Variants in SNAP23 observed in about 807,000 individuals in gnomAD.
SNAP23 encodes synaptosomal-associated protein 23.
In SNAP23, 11 loss-of-function variants were observed where a neutral mutation model predicts 29.0. The observed-to-expected ratio is 0.38, with a 90% confidence interval of 0.24 to 0.63. The LOEUF is 0.63. Among genes scored for constraint, SNAP23 ranks in the 20% least tolerant of loss-of-function variants. The probability of loss-of-function intolerance (pLI) is 0.58; values close to 1 mark genes in which losing one functional copy is unlikely to be tolerated. For synonymous variants in SNAP23, 60 were observed against 82.9 expected (o/e 0.72, Z 1.50); for missense variants, 220 against 253.9 (o/e 0.87, Z 0.91).
chr15:42,491,843 A>C (rs932050947), upstream of SNAP23, among the ~76,000 whole-genome samples: 17 of 152,042 alleles, frequency 1.1e-4, no homozygotes, highest in African/African-American at 4.1e-4. Context: ...TGGCCTTCCA[A>C]AGTTCTGGGA....
chr15:42,495,452 A>T (rs1480775746), upstream of SNAP23: 1 of 152,240 alleles, frequency 6.6e-6, no homozygotes, highest in Non-Finnish European at 1.5e-5. Flanking sequence ...TGTTTATTGC[A>T]TGAACACCTC....
rs529658918 is a variant in SNAP23 at position 42,506,913 on chromosome 15, G to T, written c.-14-4920G>T. ...GGCTCACTGTACCCTCTGCCTCCCAGGTTCAAGTGATTCTTGTGCCTCAGC... is the reference window on the plus strand; with the variant it reads ...GGCTCACTGTACCCTCTGCCTCCCATGTTCAAGTGATTCTTGTGCCTCAGC... On this transcript the variant is annotated intron_variant, in intron 1 of 7. Transcript: ENST00000249647. Among the ~76,000 whole-genome samples the T allele has an allele frequency of 2.5e-4, 38 of 151,874 alleles. 1 individual carries two copies. The highest frequency in any genetic ancestry group is 3.9e-4 in the East Asian group (2 of 5,134).
intron 5 of SNAP23, among the ~76,000 whole-genome samples, chr15:42,523,141 G>A (rs547863274): frequency 2.0e-5 from 3 of 147,644 alleles, no homozygotes; most frequent in East Asian, 2.0e-4. Context: ...CCACACACCC[G>A]AAAACTTGCC....
intron 4 of SNAP23, among the ~76,000 whole-genome samples, chr15:42,514,078 G>A (rs553754577): frequency 5.3e-5 from 8 of 151,214 alleles, no homozygotes; most frequent in Non-Finnish European, 1.2e-4. Context: ...ACCTCCCAAA[G>A]TGCTGGGATT....
intron 1 of SNAP23, among the ~76,000 whole-genome samples, chr15:42,502,592 G>T (rs2057282354): frequency 6.6e-6 from 1 of 152,204 alleles, no homozygotes; most frequent in South Asian, 2.1e-4. Flanking sequence ...TGGTTTCGGT[G>T]AATATTTCAT....
chr15:42,527,247 A>G (rs1379239505), intron 5 of SNAP23, among the ~76,000 whole-genome samples: 1 of 152,104 alleles, frequency 6.6e-6, no homozygotes, highest in African/African-American at 2.4e-5. Context: ...TGATTGTCCA[A>G]TTTGGAAATT....
intron 6 of SNAP23, among the ~76,000 whole-genome samples, chr15:42,529,018 G>T (rs574063720): frequency 3.3e-5 from 5 of 152,286 alleles, no homozygotes; most frequent in South Asian, 2.1e-4. Flanking sequence ...GTTTTAAAAT[G>T]TGTCATCTAG....
chr15:42,497,568 C>T (rs62019282), intron 1 of SNAP23, among the ~76,000 whole-genome samples: 17,503 of 152,150 alleles, frequency 0.12, 1,137 homozygotes, highest in Non-Finnish European at 0.15. Flanking sequence ...TGGTCTCAAA[C>T]GCCTGACCTC....
rs2057541742 is a variant in SNAP23 at position 42,529,592 on chromosome 15, G to A, written c.426-83G>A. On this transcript the variant is annotated intron_variant, in intron 6 of 7. Transcript: ENST00000249647. ...CTTATACTTGCTGAGAGTCATTTTG[G>A]TTACTTACTTTTGTGAAAAGTAAAT... is the stretch of plus-strand genomic sequence containing the variant. 7 of 1,416,896 alleles carry A rather than the reference G, an allele frequency of 4.9e-6. 1 individual carries two copies. The Admixed American group carries it at 1.5e-4, about 30-fold the overall frequency. 87.8% of individuals were successfully genotyped at this position (1,416,896 alleles called of 1,614,324 possible).
At chr15:42,516,411 C>T (rs2057397316) in intron 5 of SNAP23, among the ~76,000 whole-genome samples, 1 of 152,142 alleles carries the variant, frequency 6.6e-6, no homozygotes, top group Non-Finnish European at 1.5e-5. Context: ...CTCACTGCAA[C>T]CTCCGTCTCC....
intron 1 of SNAP23, among the ~76,000 whole-genome samples, chr15:42,500,011 G>A (rs1248596438): frequency 6.6e-6 from 1 of 152,186 alleles, no homozygotes; most frequent in Non-Finnish European, 1.5e-5. Context: ...TGGACCTGGT[G>A]CCCAGTGCCT....
chr15:42,499,477 G>A (rs568942913), intron 1 of SNAP23, among the ~76,000 whole-genome samples: 1 of 152,216 alleles, frequency 6.6e-6, no homozygotes, highest in East Asian at 1.9e-4. Context: ...CTTCACCTAT[G>A]AGTCATACCA....
intron 6 of SNAP23, among the ~76,000 whole-genome samples, chr15:42,528,900 CTG>C (rs769496515): frequency 9.2e-5 from 14 of 152,140 alleles, no homozygotes; most frequent in Non-Finnish European, 1.8e-4. Flanking sequence ...AAAATGTTGA[CTG>C]TGGTGGTTGA....
At chr15:42,499,505 A>G (rs4923947) in intron 1 of SNAP23, among the ~76,000 whole-genome samples, 133,903 of 152,164 alleles carry the variant, frequency 0.88, 60,250 homozygotes, top group Non-Finnish European at 0.99. Flanking sequence ...AATTTTTGCC[A>G]TTTAGAGTAC....
chr15:42,499,493 A>C (rs1186651817), intron 1 of SNAP23, among the ~76,000 whole-genome samples: 1 of 152,178 alleles, frequency 6.6e-6, no homozygotes, highest in Non-Finnish European at 1.5e-5. Context: ...TACCACCATC[A>C]TAATTTTTGC....
intron 5 of SNAP23, among the ~76,000 whole-genome samples, chr15:42,522,716 T>TAAAAAA (rs10553237): frequency 9.5e-6 from 1 of 104,896 alleles, no homozygotes; most frequent in Non-Finnish European, 2.0e-5. Context: ...CAACCAAAAC[T>TAAAAAA]AAAAAAAAAA....
chr15:42,520,644 G>A lies in SNAP23; in HGVS notation c.266+5290G>A, dbSNP rs969800875. ...CGGGTAGCTGGGACTACAGGCGCCCGCCACCACACCTGGCTAATTTTTTGT... is the reference window on the plus strand; with the variant it reads ...CGGGTAGCTGGGACTACAGGCGCCCACCACCACACCTGGCTAATTTTTTGT... On this transcript the variant is annotated intron_variant, in intron 5 of 7. Coordinates refer to ENST00000249647, the MANE Select transcript of SNAP23 (RefSeq NM_003825.4). 1.4e-4 allele frequency among the ~76,000 whole-genome samples: 22 copies of A among 152,006 alleles called. No individual in the cohort carries two copies. In the South Asian group the frequency reaches 2.9e-3, roughly 20 times the overall value.
At chr15:42,509,589 A>G (rs556234722) in intron 1 of SNAP23, among the ~76,000 whole-genome samples, 1 of 151,828 alleles carries the variant, frequency 6.6e-6, no homozygotes, top group South Asian at 2.1e-4. Flanking sequence ...ACAGGCGCTC[A>G]CCACCACTCC....
At chr15:42,528,218 C>T (rs1400047622) in intron 5 of SNAP23, 44 bp from the exon 6 acceptor site, 33 of 1,566,250 alleles carry the variant, frequency 2.1e-5, no homozygotes, top group Non-Finnish European at 2.8e-5. Context: ...AACTCTCCGT[C>T]TTCTTTTTTT....
Sources: gnomAD v4.1 joint callset for allele counts (sites outside exome capture counted in the v4.1 genomes callset) on GRCh38, gnomAD v4.1.1 for gene constraint, MANE v1.5 for transcripts, NCBI Gene and HGNC (gene_info 2026-07-23, HGNC 2026-07-21) for gene names.